The following CRY1 variants were observed in gnomAD, a reference collection of about 807,000 sequenced individuals.
The protein encoded by CRY1 is cryptochrome circadian regulator 1.
In CRY1, 45 loss-of-function variants were observed where a neutral mutation model predicts 76.0. The ratio of observed to expected loss-of-function variants is 0.59; its 90% CI spans 0.47 to 0.76. The LOEUF (loss-of-function observed/expected upper bound fraction) is 0.76. Among genes scored for constraint, CRY1 ranks in the 30% least tolerant of loss-of-function variants. The pLI is 0.00. For synonymous variants in CRY1, 248 were observed against 244.0 expected, an observed-to-expected ratio of 1.02 and a Z score of -0.15; for missense variants, 587 against 716.4, an observed-to-expected ratio of 0.82 and a Z score of 2.06.
chr12:107,014,997 C>A (rs1165025395), intron 2 of CRY1, among the ~76,000 whole-genome samples: 3 of 152,054 alleles, frequency 2.0e-5, no homozygotes, highest in African/African-American at 7.2e-5. Context: ...CCTGCCTCAG[C>A]CTCCTAAGTA....
At chr12:107,060,097 C>T (rs1953029488) in intron 1 of CRY1, among the ~76,000 whole-genome samples, 1 of 152,140 alleles carries the variant, frequency 6.6e-6, no homozygotes, top group South Asian at 2.1e-4. Flanking sequence ...TATTAATATA[C>T]ATTTTACTGA....
intron 1 of CRY1, among the ~76,000 whole-genome samples, chr12:107,044,767 T>C (rs1171379951): frequency 6.6e-6 from 1 of 152,114 alleles, no homozygotes. Context: ...CAGCACACTT[T>C]GATCAAAAAG....
At chr12:106,998,693 A>ACACACACACAC (rs1238131760) in intron 7 of CRY1, among the ~76,000 whole-genome samples, 31 of 80,552 alleles carry the variant, frequency 3.8e-4, no homozygotes, top group African/African-American at 1.4e-3. Context: ...CACACACACA[A>ACACACACACAC]GCTCAGAAAT....
chr12:107,082,280 T>C (rs1176722102), intron 1 of CRY1, among the ~76,000 whole-genome samples: 1 of 151,342 alleles, frequency 6.6e-6, no homozygotes, highest in East Asian at 1.9e-4. Flanking sequence ...CTGTCAATAT[T>C]AGATCAATGA....
chr12:107,021,121 T>C (rs2136843665), intron 2 of CRY1, among the ~76,000 whole-genome samples: 1 of 152,230 alleles, frequency 6.6e-6, no homozygotes, highest in East Asian at 1.9e-4. Context: ...CTGTCTCTAC[T>C]AAAAGTACAA....
At chr12:107,053,947 C>T (rs1952952914) in intron 1 of CRY1, among the ~76,000 whole-genome samples, 1 of 152,132 alleles carries the variant, frequency 6.6e-6, no homozygotes, top group Non-Finnish European at 1.5e-5. Flanking sequence ...ATTCTATATC[C>T]AGTGTAAACA....
chr12:107,030,849 T>A (rs887155614), intron 1 of CRY1, among the ~76,000 whole-genome samples: 1 of 151,904 alleles, frequency 6.6e-6, no homozygotes, highest in African/African-American at 2.4e-5. Flanking sequence ...AGGTGTTGCT[T>A]AAGGTGATAA....
intron 1 of CRY1, among the ~76,000 whole-genome samples, chr12:107,063,764 AT>A (rs1189194317): frequency 1.3e-5 from 2 of 151,980 alleles, no homozygotes; most frequent in African/African-American, 4.8e-5. Context: ...CGCCCAGCTA[AT>A]TTTTGTACTT....
At chr12:107,020,644 T>C (rs190711238) in intron 2 of CRY1, among the ~76,000 whole-genome samples, 142 of 152,212 alleles carry the variant, frequency 9.3e-4, no homozygotes, top group Non-Finnish European at 1.6e-3. Context: ...TCCACCATGA[T>C]TGTAAGTTTC....
intron 1 of CRY1, among the ~76,000 whole-genome samples, chr12:107,078,976 TAA>T (rs1953290512): frequency 6.6e-6 from 1 of 152,210 alleles, no homozygotes; most frequent in Non-Finnish European, 1.5e-5. Flanking sequence ...GAACTGTTGA[TAA>T]AGTCTCCAAA....
At chr12:107,069,330 T>C (rs1020418977) in intron 1 of CRY1, among the ~76,000 whole-genome samples, 1 of 151,228 alleles carries the variant, frequency 6.6e-6, no homozygotes, top group African/African-American at 2.4e-5. Flanking sequence ...GTTCACACCA[T>C]TCTCCTGCCT....
chr12:107,026,077 T>C (rs1459345276), intron 1 of CRY1, among the ~76,000 whole-genome samples: 1 of 54,442 alleles, frequency 1.8e-5, no homozygotes, highest in Non-Finnish European at 3.9e-5. Flanking sequence ...TTTTACCTCA[T>C]ATTATACATA....
Position 107,093,220 on chromosome 12 carries a change from C to A in CRY1, c.-259G>T. 2.4e-6 allele frequency: 1 copy of A among 423,980 alleles called. No individual in the cohort carries two copies. Among genetic ancestry groups the A allele is most frequent in the Non-Finnish European group, 4.2e-6 (1 of 240,940 alleles). 26.3% of individuals were successfully genotyped at this position (423,980 alleles called of 1,614,324 possible). On this transcript the variant is annotated 5_prime_UTR_variant, in exon 1 of 13. Transcript: ENST00000008527. The stretch of plus-strand genomic sequence containing the variant: ...CTTTAGGAGCCCGCGCCCGCCGCAA[C>A]CGCCTGGAGGCGACGCATAACTTCG...
intron 1 of CRY1, among the ~76,000 whole-genome samples, chr12:107,061,288 C>T (rs1953043807): frequency 6.6e-6 from 1 of 152,002 alleles, no homozygotes; most frequent in Admixed American, 6.6e-5. Flanking sequence ...ACTATAAGCA[C>T]TCAGAAGTTA....
intron 1 of CRY1, among the ~76,000 whole-genome samples, chr12:107,086,469 C>A (rs946435978): frequency 2.0e-5 from 3 of 152,218 alleles, no homozygotes; most frequent in Non-Finnish European, 4.4e-5. Context: ...GAAATCAAGG[C>A]TACCCCTTCC....
chr12:107,056,030 C>T (rs1326324340), intron 1 of CRY1, among the ~76,000 whole-genome samples: 3 of 152,042 alleles, frequency 2.0e-5, no homozygotes. Flanking sequence ...TAAGGAATTC[C>T]CAAACCAAAA....
At chr12:107,084,998 G>C (rs1953379122) in intron 1 of CRY1, among the ~76,000 whole-genome samples, 1 of 147,904 alleles carries the variant, frequency 6.8e-6, no homozygotes, top group South Asian at 2.1e-4. Context: ...CCATCAAAAA[G>C]TGGGTGAAGG....
rs1426922587 is a variant in CRY1, at chr12:106,997,287, C to A, written c.1585+7G>T. ...TTACTAAGTGCAGAAATTTCCTTTT[C>A]ACTTACTTCCACTGCTGCTACAACC... On this transcript the variant is annotated splice_region_variant and intron_variant, in intron 10 of 12. Transcript: ENST00000008527. 2 of 1,612,230 alleles carry A rather than the reference C, an allele frequency of 1.2e-6. No homozygotes were observed. The highest frequency in any genetic ancestry group is 2.2e-5 in the East Asian group (1 of 44,844).
chr12:107,009,577 TATATATATATATATATATATATATAA>T lies in CRY1; in HGVS notation c.268-4355_268-4330del, dbSNP rs1250525548. Among the ~76,000 whole-genome samples the T allele has an allele frequency of 3.9e-4, 12 of 30,666 alleles. 1 individual carries two copies. The highest frequency in any genetic ancestry group is 1.8e-3 in the African/African-American group (11 of 5,992). The allele number at this position is 30,666 out of a possible 152,430, so 20.1% of individuals were successfully genotyped here. ...AAACAAAAAAACATATATATATATA[TATATATATATATATATATATATATAA>T]AATCTCTATATCTCCAGGTTCACGG... On this transcript the variant is annotated intron_variant, in intron 2 of 12. Transcript: ENST00000008527.
Sources: allele counts gnomAD v4.1 joint callset (sites outside exome capture counted in the v4.1 genomes callset), GRCh38; gene constraint gnomAD v4.1.1; transcripts MANE v1.5; gene names NCBI Gene and HGNC (gene_info 2026-07-23, HGNC 2026-07-21).